The following DIAPH2 variants were observed in gnomAD, a reference collection of about 807,000 sequenced individuals.
DIAPH2 encodes the protein diaphanous related formin 2.
DIAPH2 carries 35 observed loss-of-function variants against 92.7 expected under a neutral mutation model. The ratio of observed to expected loss-of-function variants is 0.38; its 90% CI spans 0.29 to 0.50. The LOEUF (loss-of-function observed/expected upper bound fraction) is 0.50, where lower values mean the gene tolerates loss of function less well. Ranked by LOEUF, DIAPH2 falls within the 20% of genes least tolerant of loss-of-function variation. DIAPH2 has a pLI of 0.94. For missense variants in DIAPH2, 701 were observed against 819.5 expected, an observed-to-expected ratio of 0.86 and a Z score of 1.77; for synonymous variants, 301 against 280.4, an observed-to-expected ratio of 1.07 and a Z score of -0.73.
chrX:97,537,947 C>T (rs1169613764), intron 26 of DIAPH2, among the ~76,000 whole-genome samples: 4 of 101,608 alleles, frequency 3.9e-5, no homozygotes, highest in Admixed American at 1.1e-4. Context: ...TGCAGTGGTG[C>T]GATCTCGGCT....
At chrX:97,238,087 A>G (rs899931861) in intron 22 of DIAPH2, among the ~76,000 whole-genome samples, 12 of 112,201 alleles carry the variant, frequency 1.1e-4, no homozygotes, top group Non-Finnish European at 1.5e-4. Context: ...CAGCAGGGGA[A>G]GGGACTGGGA....
At chrX:96,937,138 G>A (rs1344329102) in intron 10 of DIAPH2, 95 bp from the exon 11 acceptor site, 1 of 399,072 alleles carries the variant, frequency 2.5e-6, no homozygotes, top group East Asian at 4.5e-5. Context: ...TTGCTTCTGT[G>A]TTTATAAATG....
intron 4 of DIAPH2, among the ~76,000 whole-genome samples, chrX:96,780,228 G>T (rs754156425): frequency 9.0e-6 from 1 of 111,648 alleles, no homozygotes; most frequent in Non-Finnish European, 1.9e-5. Flanking sequence ...TATTCAAATA[G>T]TCTCATTGTT....
intron 17 of DIAPH2, among the ~76,000 whole-genome samples, chrX:96,978,344 A>G (rs1398622840): frequency 2.7e-5 from 3 of 110,438 alleles, no homozygotes; most frequent in Non-Finnish European, 5.7e-5. Context: ...GGATAGCCCC[A>G]TTTATATTAT....
At chrX:97,570,717 T>G (rs1194349135) in intron 26 of DIAPH2, among the ~76,000 whole-genome samples, 2 of 111,343 alleles carry the variant, frequency 1.8e-5, no homozygotes, top group Non-Finnish European at 3.8e-5. Flanking sequence ...TCTTATATAT[T>G]AATTATTTCT....
At chrX:97,269,985 C>T (rs2068373000) in intron 23 of DIAPH2, among the ~76,000 whole-genome samples, 1 of 110,230 alleles carries the variant, frequency 9.1e-6, no homozygotes, top group East Asian at 2.9e-4. Flanking sequence ...GGCTGGAGTG[C>T]AGTGGCGTGA....
intron 4 of DIAPH2, among the ~76,000 whole-genome samples, chrX:96,862,965 TG>T (rs1036310400): frequency 9.0e-6 from 1 of 110,947 alleles, no homozygotes; most frequent in Non-Finnish European, 1.9e-5. Context: ...AAACGCTTTA[TG>T]GGGAAATTTT....
intron 26 of DIAPH2, among the ~76,000 whole-genome samples, chrX:97,464,701 G>A (rs1288252014): frequency 8.9e-6 from 1 of 111,820 alleles, no homozygotes; most frequent in Non-Finnish European, 1.9e-5. Context: ...TCTCTGAGAA[G>A]GGTATGGGAA....
In DIAPH2 at chrX:97,054,019, G is replaced by T. The variant is rs190035396; in HGVS notation, c.2051-18922G>T. ...TTAGTTTTATCTGCCACCAGTAATG[G>T]GTTTTACCAGGGAAACACATATGTC... On this transcript the variant is annotated intron_variant, in intron 17 of 26. Coordinates refer to ENST00000324765, the MANE Select transcript of DIAPH2 (RefSeq NM_006729.5). Among the ~76,000 whole-genome samples, 185 of 111,357 alleles carry T rather than the reference G, an allele frequency of 1.7e-3. 1 individual carries two copies. Among genetic ancestry groups the T allele is most frequent in the African/African-American group, 5.8e-3 (179 of 30,676 alleles).
At chrX:96,976,869 C>T (rs959777159) in intron 17 of DIAPH2, among the ~76,000 whole-genome samples, 2 of 110,809 alleles carry the variant, frequency 1.8e-5, no homozygotes, top group Admixed American at 9.6e-5. Flanking sequence ...ATCCCAAGAG[C>T]GATTATAATT....
At chrX:97,501,863 C>T (rs1367358824) in intron 26 of DIAPH2, among the ~76,000 whole-genome samples, 2 of 111,769 alleles carry the variant, frequency 1.8e-5, no homozygotes, top group African/African-American at 6.5e-5. Context: ...AGTGCAGCAT[C>T]GTGATCTCGG....
chrX:97,022,867 A>C (rs776694002), intron 17 of DIAPH2, among the ~76,000 whole-genome samples: 25 of 111,138 alleles, frequency 2.2e-4, no homozygotes, highest in Non-Finnish European at 3.8e-4. Context: ...CAGCCTGGGC[A>C]ACATAGGGAG....
chrX:96,806,438 G>C (rs1014030148), intron 4 of DIAPH2, among the ~76,000 whole-genome samples: 7 of 108,649 alleles, frequency 6.4e-5, no homozygotes, highest in Non-Finnish European at 9.5e-5. Flanking sequence ...CCTGAGGTCG[G>C]GAGTTTGAGA....
intron 22 of DIAPH2, among the ~76,000 whole-genome samples, chrX:97,219,686 G>A (rs777311254): frequency 1.9e-4 from 21 of 111,241 alleles, no homozygotes; most frequent in African/African-American, 6.5e-4. Flanking sequence ...CTTTCTTCAG[G>A]ACTATCAATA....
intron 23 of DIAPH2, among the ~76,000 whole-genome samples, chrX:97,259,313 T>C (rs2068270367): frequency 9.1e-6 from 1 of 109,776 alleles, no homozygotes; most frequent in Non-Finnish European, 1.9e-5. Flanking sequence ...TGTGACAGCA[T>C]GGGACTCCGT....
chrX:97,052,103 C>G (rs2066524369), intron 17 of DIAPH2, among the ~76,000 whole-genome samples: 1 of 111,179 alleles, frequency 9.0e-6, no homozygotes, highest in Non-Finnish European at 1.9e-5. Flanking sequence ...ACGTGTTCAA[C>G]TATACCAAAC....
At chrX:97,060,241 G>C (rs1156488324) in intron 17 of DIAPH2, among the ~76,000 whole-genome samples, 1 of 112,253 alleles carries the variant, frequency 8.9e-6, no homozygotes, top group Non-Finnish European at 1.9e-5. Flanking sequence ...GTAAAGGCCA[G>C]CCTAATGGCG....
At position 97,363,502 on chromosome X, in the gene DIAPH2, C is replaced by CA. The variant is rs200331673; in HGVS notation, c.3009+15236dup. On this transcript the variant is annotated intron_variant, in intron 24 of 26. Coordinates refer to ENST00000324765, the MANE Select transcript of DIAPH2 (RefSeq NM_006729.5). The stretch of plus-strand genomic sequence containing the variant: ...CAAAACCCCATCTCTACTAAAAATA[C>CA]AAAAAAAAAAAAAATTAGCGTGGCA... 5.8e-3 allele frequency among the ~76,000 whole-genome samples: 508 copies of CA among 87,077 alleles called. 2 individuals are homozygous for CA. The highest frequency in any genetic ancestry group is 0.014 in the South Asian group (26 of 1,863). The allele number at this position is 87,077 out of a possible 115,157, so 75.6% of individuals were successfully genotyped here. A position where few individuals can be genotyped will look rare whatever the true frequency, so the allele number is the denominator to read the frequency against.
At chrX:97,382,442 T>C (rs778536781) in intron 24 of DIAPH2, among the ~76,000 whole-genome samples, 5 of 111,943 alleles carry the variant, frequency 4.5e-5, no homozygotes, top group Non-Finnish European at 9.4e-5. Context: ...TGGAGTGGGA[T>C]CATACTGGCA....
Sources: allele counts gnomAD v4.1 joint callset (sites outside exome capture counted in the v4.1 genomes callset), GRCh38; gene constraint gnomAD v4.1.1; transcripts MANE v1.5; gene names NCBI Gene and HGNC (gene_info 2026-07-23, HGNC 2026-07-21).